VSNL1: variants seen among roughly 807,000 people sequenced by gnomAD.
VSNL1 encodes the protein visinin like 1.
VSNL1 carries 6 observed loss-of-function variants against 20.4 expected under a neutral mutation model. The ratio of observed to expected loss-of-function variants is 0.29; its 90% CI spans 0.16 to 0.58. The LOEUF (loss-of-function observed/expected upper bound fraction) is 0.58, where lower values mean the gene tolerates loss of function less well. Among genes scored for constraint, VSNL1 ranks in the 20% least tolerant of loss-of-function variants. The pLI, the probability that VSNL1 is intolerant of heterozygous loss-of-function variation, is 0.90. For missense variants in VSNL1, 100 were observed against 234.5 expected, an observed-to-expected ratio of 0.43 and a Z score of 3.75; for synonymous variants, 93 against 86.4, an observed-to-expected ratio of 1.08 and a Z score of -0.42.
At chr2:17,567,353 CTTTTTTTT>C (rs57144136) in intron 1 of VSNL1, 1 of 84,554 alleles carries the variant, frequency 1.2e-5, no homozygotes, top group African/African-American at 5.0e-5. Context: ...TAGAGTCTCA[CTTTTTTTT>C]TTTTTTTTTT....
intron 1 of VSNL1, among the ~76,000 whole-genome samples, chr2:17,584,504 C>A (rs888843029): frequency 1.3e-5 from 2 of 152,142 alleles, no homozygotes; most frequent in African/African-American, 2.4e-5. Flanking sequence ...TGGGTTTTAG[C>A]TTGAGACCAC....
chr2:17,550,861 A>G lies in VSNL1; in HGVS notation c.-6+9943A>G, dbSNP rs1026625150. Among the ~76,000 whole-genome samples, 3 of 152,218 alleles carry G rather than the reference A, an allele frequency of 2.0e-5. No individual in the cohort carries two copies. The South Asian group carries it at 6.2e-4, about 32-fold the overall frequency. The stretch of plus-strand genomic sequence containing the variant: ...AACCCAGTCATCCTAAGGGAATGCA[A>G]CAAAAAGTTGCTTCTCAGTCCTCTT... On this transcript the variant is annotated intron_variant, in intron 1 of 3. Transcript: ENST00000295156.
At chr2:17,629,765 GAAGAAT>G (rs1665590995) in intron 2 of VSNL1, among the ~76,000 whole-genome samples, 1 of 152,202 alleles carries the variant, frequency 6.6e-6, no homozygotes, top group South Asian at 2.1e-4. Context: ...CCTCATCCAA[GAAGAAT>G]AAGGTTACAC....
chr2:17,651,824 C>T (rs1209826139), intron 3 of VSNL1, among the ~76,000 whole-genome samples: 2 of 152,152 alleles, frequency 1.3e-5, no homozygotes, highest in Non-Finnish European at 2.9e-5. Flanking sequence ...CTTCGTGACA[C>T]GTGTAATAAT....
chr2:17,596,774 TGA>T (rs66505077), intron 2 of VSNL1, among the ~76,000 whole-genome samples: 4,760 of 152,282 alleles, frequency 0.031, 248 homozygotes, highest in African/African-American at 0.11. Context: ...CTGACAGATG[TGA>T]GAGTCATTCC....
At chr2:17,549,595 G>A (rs576952360) in intron 1 of VSNL1, among the ~76,000 whole-genome samples, 152 of 152,218 alleles carry the variant, frequency 1.0e-3, no homozygotes, top group Non-Finnish European at 1.9e-3. Flanking sequence ...TTTAAATTTG[G>A]TGGTAAGAAT....
At chr2:17,599,384 G>T (rs958133231) in intron 2 of VSNL1, among the ~76,000 whole-genome samples, 1 of 152,218 alleles carries the variant, frequency 6.6e-6, no homozygotes, top group African/African-American at 2.4e-5. Context: ...ATTTAAAAAT[G>T]ATTATTGTGT....
At chr2:17,587,094 C>T (rs1392789095) in intron 1 of VSNL1, among the ~76,000 whole-genome samples, 2 of 152,126 alleles carry the variant, frequency 1.3e-5, no homozygotes, top group Non-Finnish European at 2.9e-5. Context: ...CCTTTGCTCT[C>T]AGCCCTATTT....
chr2:17,586,030 A>G (rs1158901072), intron 1 of VSNL1, among the ~76,000 whole-genome samples: 1 of 151,900 alleles, frequency 6.6e-6, no homozygotes, highest in Non-Finnish European at 1.5e-5. Context: ...GCTGGTCTCA[A>G]ACTCCTGACC....
intron 1 of VSNL1, among the ~76,000 whole-genome samples, chr2:17,567,132 G>A (rs1248598091): frequency 6.6e-6 from 1 of 151,696 alleles, no homozygotes; most frequent in African/African-American, 2.4e-5. Context: ...AATATACTTG[G>A]GATTTTTATT....
At chr2:17,594,609 G>C (rs1664671233) in intron 2 of VSNL1, among the ~76,000 whole-genome samples, 1 of 152,192 alleles carries the variant, frequency 6.6e-6, no homozygotes, top group African/African-American at 2.4e-5. Flanking sequence ...TTCTATCTTT[G>C]GTGCAGAGAT....
At chr2:17,584,902 A>G (rs1051662638) in intron 1 of VSNL1, among the ~76,000 whole-genome samples, 1 of 152,120 alleles carries the variant, frequency 6.6e-6, no homozygotes, top group East Asian at 1.9e-4. Flanking sequence ...TCCTCTAGAA[A>G]ACAAAGGGGT....
intron 1 of VSNL1, among the ~76,000 whole-genome samples, chr2:17,584,017 T>G (rs910180914): frequency 1.3e-5 from 2 of 152,208 alleles, no homozygotes; most frequent in Admixed American, 6.5e-5. Context: ...CATTATCTCA[T>G]TTATCCTCAC....
intron 2 of VSNL1, among the ~76,000 whole-genome samples, chr2:17,610,060 G>A (rs916050204): frequency 1.3e-5 from 2 of 152,198 alleles, no homozygotes; most frequent in African/African-American, 4.8e-5. Context: ...TAATGAGCAG[G>A]CCAGCAGGGG....
At chr2:17,589,479 C>T (rs1533643) in intron 1 of VSNL1, among the ~76,000 whole-genome samples, 4,175 of 152,224 alleles carry the variant, frequency 0.027, 91 homozygotes, top group Middle Eastern at 0.048. Flanking sequence ...AATCTTTAAT[C>T]AAGGCAAGAT....
At chr2:17,607,641 G>A (rs1664977186) in intron 2 of VSNL1, among the ~76,000 whole-genome samples, 1 of 152,232 alleles carries the variant, frequency 6.6e-6, no homozygotes, top group African/African-American at 2.4e-5. Flanking sequence ...CAGGTCCCTT[G>A]ACATTGTGGC....
intron 1 of VSNL1, among the ~76,000 whole-genome samples, chr2:17,582,690 A>G (rs1390878391): frequency 6.6e-6 from 1 of 152,072 alleles, no homozygotes; most frequent in Non-Finnish European, 1.5e-5. Flanking sequence ...AAAGAATAAA[A>G]GGATGTTTTA....
chr2:17,638,838 T>C (rs1001590138), intron 2 of VSNL1, among the ~76,000 whole-genome samples: 1 of 152,178 alleles, frequency 6.6e-6, no homozygotes, highest in Non-Finnish European at 1.5e-5. Flanking sequence ...AGTTGGGGTT[T>C]GGGAGGAGAG....
At chr2:17,566,856 AAC>A (rs1408073217) in intron 1 of VSNL1, among the ~76,000 whole-genome samples, 1 of 152,206 alleles carries the variant, frequency 6.6e-6, no homozygotes, top group Non-Finnish European at 1.5e-5. Flanking sequence ...CAGTTATCCT[AAC>A]ACAGTTTTAT....
Sources: gnomAD v4.1 joint callset for allele counts (sites outside exome capture counted in the v4.1 genomes callset) on GRCh38, gnomAD v4.1.1 for gene constraint, MANE v1.5 for transcripts, NCBI Gene and HGNC (gene_info 2026-07-23, HGNC 2026-07-21) for gene names.